The following TMC5 variants were observed in gnomAD, a reference collection of about 807,000 sequenced individuals.
TMC5 encodes the protein transmembrane channel-like protein 5.
In TMC5, 86 loss-of-function variants were observed where a neutral mutation model predicts 110.5. The ratio of observed to expected loss-of-function variants is 0.78; its 90% confidence interval spans 0.65 to 0.93. TMC5 has a LOEUF of 0.93. Ranked by LOEUF, TMC5 falls within the 40% of genes least tolerant of loss-of-function variation. The pLI, the probability that TMC5 is intolerant of heterozygous loss-of-function variation, is 0.00. For synonymous variants in TMC5, 455 were observed against 439.5 expected, an observed-to-expected ratio of 1.04 and a Z score of -0.44; for missense variants, 1,144 against 1,222.8, an observed-to-expected ratio of 0.94 and a Z score of 0.96.
At chr16:19,441,307 AT>A (rs60108922) in intron 3 of TMC5, among the ~76,000 whole-genome samples, 79,324 of 143,894 alleles carry the variant, frequency 0.55, 24,958 homozygotes, top group East Asian at 0.71. Flanking sequence ...TTTTTTGGTC[AT>A]TTTTTTTTCT....
At chr16:19,460,672 T>A (rs1245926199) in intron 6 of TMC5, among the ~76,000 whole-genome samples, 1 of 152,126 alleles carries the variant, frequency 6.6e-6, no homozygotes, top group African/African-American at 2.4e-5. Context: ...AGTCATGTGA[T>A]GGGGGAAACA....
At chr16:19,476,850 T>A (rs1968500927) in intron 12 of TMC5, 1 of 154,394 alleles carries the variant, frequency 6.5e-6, no homozygotes, top group African/African-American at 2.4e-5. Flanking sequence ...GGATCCAGGC[T>A]CAGAGAGAAG....
intron 20 of TMC5, among the ~76,000 whole-genome samples, chr16:19,496,155 GT>G (rs1247262958): frequency 4.8e-5 from 3 of 62,308 alleles, no homozygotes; most frequent in African/African-American, 1.3e-4. Flanking sequence ...AAGACTCCGT[GT>G]CAAAAAAAAA....
At chr16:19,412,030 G>T (rs1402793865) in intron 1 of TMC5, among the ~76,000 whole-genome samples, 1 of 151,962 alleles carries the variant, frequency 6.6e-6, no homozygotes, top group African/African-American at 2.4e-5. Flanking sequence ...TTCCTTATCT[G>T]TAAAATGAGG....
intron 5 of TMC5, among the ~76,000 whole-genome samples, chr16:19,457,920 T>C (rs150114145): frequency 6.6e-6 from 1 of 151,792 alleles, no homozygotes; most frequent in African/African-American, 2.4e-5. Flanking sequence ...GATGGGGTTT[T>C]ACCATGTTGG....
chr16:19,465,048 TTTCTTTC>T (rs1466163065), intron 8 of TMC5, among the ~76,000 whole-genome samples: 3 of 101,702 alleles, frequency 2.9e-5, no homozygotes, highest in African/African-American at 1.0e-4. Context: ...TCTTTCTTTC[TTTCTTTC>T]TTTTCCTTCC....
At chr16:19,470,951 G>T (rs534139181) in intron 10 of TMC5, among the ~76,000 whole-genome samples, 25 of 152,072 alleles carry the variant, frequency 1.6e-4, no homozygotes, top group Admixed American at 1.6e-3. Flanking sequence ...CTGGAGAATC[G>T]CTTGAACCCA....
At chr16:19,455,455 A>G (rs758927249) in intron 5 of TMC5, among the ~76,000 whole-genome samples, 5 of 152,092 alleles carry the variant, frequency 3.3e-5, no homozygotes, top group Admixed American at 6.6e-5. Flanking sequence ...TTTAAAAAGC[A>G]AAAAAACAAG....
intron 5 of TMC5, among the ~76,000 whole-genome samples, chr16:19,457,725 T>TTTTTTTTG (rs1967920826): frequency 9.4e-6 from 1 of 106,760 alleles, no homozygotes; most frequent in Non-Finnish European, 1.8e-5. Context: ...TTTTTTTTTT[T>TTTTTTTTG]TTTTTTTTTT....
At position 19,472,078 on chromosome 16, in the gene TMC5, A is replaced by G. The variant is rs767180239; in HGVS notation, c.1783-10A>G. 26 of 1,612,644 alleles carry G rather than the reference A, an allele frequency of 1.6e-5. No individual in the cohort carries two copies. The highest frequency in any genetic ancestry group is 1.8e-5 in the Non-Finnish European group (21 of 1,179,300). Reference sequence around the variant, plus strand: ...GCCCAGCCATAAACTTGACTTTCTTATGTTTCTAGGAGAACCTGTCAGAGC... The same window carrying G: ...GCCCAGCCATAAACTTGACTTTCTTGTGTTTCTAGGAGAACCTGTCAGAGC... On this transcript the variant is annotated splice_polypyrimidine_tract_variant and intron_variant, in intron 10 of 21. Coordinates refer to ENST00000542583, the MANE Select transcript of TMC5 (RefSeq NM_001261841.2).
chr16:19,490,783 C>A (rs1189363234), intron 18 of TMC5, among the ~76,000 whole-genome samples: 3 of 131,968 alleles, frequency 2.3e-5, no homozygotes, highest in Admixed American at 8.0e-5. Context: ...TTTCTTTTCT[C>A]TTCTCTTCCC....
intron 2 of TMC5, among the ~76,000 whole-genome samples, chr16:19,431,497 G>A (rs1222945442): frequency 6.6e-6 from 1 of 151,378 alleles, no homozygotes; most frequent in Non-Finnish European, 1.5e-5. Context: ...AGCCGAGATC[G>A]TGCCATTGCA....
chr16:19,483,582 C>T (rs926013784), intron 15 of TMC5, among the ~76,000 whole-genome samples: 2 of 151,682 alleles, frequency 1.3e-5, no homozygotes, highest in Non-Finnish European at 2.9e-5. Flanking sequence ...AGTTGGAGAC[C>T]AGCCTGACAA....
Position 19,479,731 on chromosome 16 carries a change from G to A in TMC5, c.2267+203G>A, listed in dbSNP as rs1012661078. On this transcript the variant is annotated intron_variant, in intron 14 of 21. Transcript: ENST00000542583. Reference sequence around the variant, plus strand: ...ACAGTTCTGTTGTCATAGTTCACTCGGTTCAGTTGACCTTTTACAACCTTT... The same window carrying A: ...ACAGTTCTGTTGTCATAGTTCACTCAGTTCAGTTGACCTTTTACAACCTTT... Among the ~76,000 whole-genome samples, 63 of 152,008 alleles carry A rather than the reference G, an allele frequency of 4.1e-4. 1 individual carries two copies. The highest frequency in any genetic ancestry group is 1.3e-4 in the Non-Finnish European group (9 of 67,986).
chr16:19,413,353 G>T (rs560223984), upstream of TMC5, among the ~76,000 whole-genome samples: 9 of 151,818 alleles, frequency 5.9e-5, no homozygotes, highest in South Asian at 1.7e-3. Flanking sequence ...GCAAGACCTC[G>T]TCTCTACTAA....
At chr16:19,441,435 C>T (rs1967489141) in intron 3 of TMC5, among the ~76,000 whole-genome samples, 1 of 151,584 alleles carries the variant, frequency 6.6e-6, no homozygotes, top group Non-Finnish European at 1.5e-5. Context: ...TCCTCCCACC[C>T]CAGCCTCCCA....
At chr16:19,478,500 A>G (rs547713008) in intron 13 of TMC5, among the ~76,000 whole-genome samples, 1 of 151,926 alleles carries the variant, frequency 6.6e-6, no homozygotes, top group East Asian at 1.9e-4. Flanking sequence ...CCCATCATTC[A>G]TTTATCCATC....
chr16:19,440,177 T>C lies in TMC5; in HGVS notation c.139T>C (p.Tyr47His), dbSNP rs1312403620. ...DVPGPLNNPD[Y>H]PGTRSNPYSV... ...TCCAGGTCCTCTGAACAATCCAGAC[T>C]ACCCCGGCACCAGGAGCAATCCATA... Residue 47 changes from tyrosine (Y) to histidine (H), a missense_variant, in exon 3 of 22, where the codon TAC becomes CAC. Tyr to His is a moderately conservative substitution (Grantham distance 83). Transcript: ENST00000542583. The C allele has an allele frequency of 1.2e-6, 2 of 1,614,046 alleles. No homozygotes were observed. Among genetic ancestry groups the C allele is most frequent in the Non-Finnish European group, 8.5e-7 (1 of 1,180,032 alleles).
At chr16:19,468,309 G>A (rs141696564) in intron 9 of TMC5, among the ~76,000 whole-genome samples, 1 of 152,204 alleles carries the variant, frequency 6.6e-6, no homozygotes, top group African/African-American at 2.4e-5. Flanking sequence ...ACTGAGTGGT[G>A]GCAAATTTCA....
Sources: allele counts gnomAD v4.1 joint callset (sites outside exome capture counted in the v4.1 genomes callset), GRCh38; gene constraint gnomAD v4.1.1; transcripts MANE v1.5; gene names NCBI Gene and HGNC (gene_info 2026-07-23, HGNC 2026-07-21).